Variants in NCKAP5 observed in about 807,000 individuals in gnomAD.
The protein encoded by NCKAP5 is nck-associated protein 5.
A neutral mutation model predicts 167.0 loss-of-function variants in NCKAP5; 92 were observed. That is an observed-to-expected ratio of 0.55 (90% CI 0.47 to 0.66). The LOEUF is 0.66. Ranked by LOEUF, NCKAP5 falls within the 30% of genes least tolerant of loss-of-function variation. The pLI, the probability that NCKAP5 is intolerant of heterozygous loss-of-function variation, is 0.00. For missense variants in NCKAP5, 2,378 were observed against 2,315.0 expected, an observed-to-expected ratio of 1.03 and a Z score of -0.56; for synonymous variants, 891 against 877.4, an observed-to-expected ratio of 1.02 and a Z score of -0.27.
chr2:133,384,442 C>A (rs1686774622), intron 3 of NCKAP5, among the ~76,000 whole-genome samples: 1 of 152,162 alleles, frequency 6.6e-6, no homozygotes, highest in Non-Finnish European at 1.5e-5. Context: ...CAGTGCCATG[C>A]TGTTTGGTTA....
chr2:133,656,352 G>C, the NCKAP5 span, among the ~76,000 whole-genome samples: 1 of 152,124 alleles, frequency 6.6e-6, no homozygotes, highest in African/African-American at 2.4e-5. Flanking sequence ...TAACACAGTA[G>C]CTATTATTAT....
chr2:133,602,858 C>A, the NCKAP5 span, among the ~76,000 whole-genome samples: 1 of 152,162 alleles, frequency 6.6e-6, no homozygotes, highest in South Asian at 2.1e-4. Context: ...GAAGGAGGAA[C>A]ACAACTTTGA....
chr2:133,623,644 AAAG>A, the NCKAP5 span, among the ~76,000 whole-genome samples: 2 of 152,130 alleles, frequency 1.3e-5, no homozygotes, highest in African/African-American at 4.8e-5. Context: ...AAAAAAAAAA[AAAG>A]ATGTTGGCAT....
intron 8 of NCKAP5, among the ~76,000 whole-genome samples, chr2:132,960,773 T>C (rs1431176470): frequency 6.6e-6 from 1 of 152,160 alleles, no homozygotes; most frequent in South Asian, 2.1e-4. Flanking sequence ...GAACGTAATA[T>C]AGAAGTCATC....
At chr2:132,919,050 C>A (rs986670022) in intron 8 of NCKAP5, among the ~76,000 whole-genome samples, 1 of 152,182 alleles carries the variant, frequency 6.6e-6, no homozygotes, top group Non-Finnish European at 1.5e-5. Flanking sequence ...CATGGACCTA[C>A]AAGCCATAGT....
chr2:133,195,881 A>G (rs911795861), intron 5 of NCKAP5, among the ~76,000 whole-genome samples: 1 of 152,154 alleles, frequency 6.6e-6, no homozygotes, highest in Non-Finnish European at 1.5e-5. Flanking sequence ...TAAGACTGAT[A>G]GAGTCAAGAT....
At chr2:132,797,516 T>C (rs1439405078) in intron 11 of NCKAP5, among the ~76,000 whole-genome samples, 6 of 152,198 alleles carry the variant, frequency 3.9e-5, no homozygotes, top group Non-Finnish European at 8.8e-5. Flanking sequence ...ATTTTGAAAA[T>C]GGCACTTATA....
At chr2:133,235,300 G>A (rs546778552) in intron 4 of NCKAP5, among the ~76,000 whole-genome samples, 2 of 152,042 alleles carry the variant, frequency 1.3e-5, no homozygotes, top group Non-Finnish European at 2.9e-5. Flanking sequence ...CTGAGGTCAC[G>A]CAAGGGGTGA....
intron 4 of NCKAP5, among the ~76,000 whole-genome samples, chr2:133,221,787 G>T (rs1234126840): frequency 6.6e-6 from 1 of 152,162 alleles, no homozygotes; most frequent in Non-Finnish European, 1.5e-5. Flanking sequence ...TTACATAGGA[G>T]AACAGATCTG....
rs543629214 is a variant in NCKAP5, at chr2:133,273,807, T to A, written c.143+29230A>T. On this transcript the variant is annotated intron_variant, in intron 4 of 19. Transcript: ENST00000409261. ...AAATCTATTAATTTCCAAAAAAAAA[T>A]TTGGGGGAAGATAAAAAAAATTAAA... is the stretch of plus-strand genomic sequence containing the variant. Among the ~76,000 whole-genome samples, 199 of 149,834 alleles carry A rather than the reference T, an allele frequency of 1.3e-3. 6 individuals carry two copies. In the South Asian group the frequency reaches 0.032, roughly 24 times the overall value.
At chr2:133,187,012 G>C (rs1202167750) in intron 5 of NCKAP5, among the ~76,000 whole-genome samples, 3 of 151,682 alleles carry the variant, frequency 2.0e-5, no homozygotes, top group Non-Finnish European at 4.4e-5. Flanking sequence ...GGTTTGGTTT[G>C]TTCCTCTTTC....
chr2:133,091,040 T>G (rs1327543087), intron 6 of NCKAP5, among the ~76,000 whole-genome samples: 1 of 152,058 alleles, frequency 6.6e-6, no homozygotes, highest in Non-Finnish European at 1.5e-5. Flanking sequence ...ATCTGGTTAT[T>G]TAAAGGTGTG....
chr2:133,600,770 T>A, the NCKAP5 span, among the ~76,000 whole-genome samples: 1 of 152,146 alleles, frequency 6.6e-6, no homozygotes, highest in African/African-American at 2.4e-5. Context: ...CGAAGCTCCA[T>A]CCCCGCTCAG....
intron 11 of NCKAP5, among the ~76,000 whole-genome samples, chr2:132,818,183 A>G (rs1221619279): frequency 5.9e-5 from 9 of 152,212 alleles, no homozygotes; most frequent in Admixed American, 5.9e-4. Flanking sequence ...ACTGGGCTCA[A>G]GCTATCCACC....
chr2:132,817,266 C>G (rs1047645674), intron 11 of NCKAP5, among the ~76,000 whole-genome samples: 1 of 152,174 alleles, frequency 6.6e-6, no homozygotes, highest in Non-Finnish European at 1.5e-5. Context: ...TCATTATTGA[C>G]ATTTATGTTG....
At chr2:133,173,191 A>G (rs1047799006) in intron 5 of NCKAP5, among the ~76,000 whole-genome samples, 8 of 152,272 alleles carry the variant, frequency 5.3e-5, no homozygotes, top group African/African-American at 1.9e-4. Context: ...TGGGGATGGC[A>G]GGAGGTTGGG....
chr2:133,329,698 T>C (rs1682698883), intron 3 of NCKAP5, among the ~76,000 whole-genome samples: 1 of 152,168 alleles, frequency 6.6e-6, no homozygotes, highest in Non-Finnish European at 1.5e-5. Context: ...AATTTACTTA[T>C]CACATCCAAT....
At chr2:133,455,712 A>C (rs1691808571) in intron 3 of NCKAP5, among the ~76,000 whole-genome samples, 1 of 152,168 alleles carries the variant, frequency 6.6e-6, no homozygotes, top group African/African-American at 2.4e-5. Context: ...GAAAGCAATA[A>C]AAGACCCTCG....
chr2:132,865,517 A>T (rs10198046), intron 10 of NCKAP5, among the ~76,000 whole-genome samples: 2,800 of 152,234 alleles, frequency 0.018, 75 homozygotes, highest in African/African-American at 0.064. Context: ...CAGCTATCAA[A>T]CTCTAAATGC....
Sources: gnomAD v4.1 joint callset for allele counts (sites outside exome capture counted in the v4.1 genomes callset) on GRCh38, gnomAD v4.1.1 for gene constraint, MANE v1.5 for transcripts, NCBI Gene and HGNC (gene_info 2026-07-23, HGNC 2026-07-21) for gene names.